Variants in CNGB3 observed in about 807,000 individuals in gnomAD.
CNGB3 encodes cyclic nucleotide-gated channel beta-3.
CNGB3 carries 86 observed loss-of-function variants against 92.8 expected under a neutral mutation model. The ratio of observed to expected loss-of-function variants is 0.93; its 90% CI spans 0.78 to 1.11. The LOEUF (loss-of-function observed/expected upper bound fraction) is 1.11, where lower values mean the gene tolerates loss of function less well. CNGB3 is among the 50% of genes least tolerant of loss of function. CNGB3 has a pLI of 0.00. For synonymous variants in CNGB3, 333 were observed against 332.7 expected (o/e 1.00, Z -0.01); for missense variants, 1,026 against 956.8 (o/e 1.07, Z -0.95).
chr8:86,587,033 C>G (rs1378614242), intron 15 of CNGB3, among the ~76,000 whole-genome samples: 3 of 148,008 alleles, frequency 2.0e-5, no homozygotes, highest in Non-Finnish European at 3.0e-5. Context: ...GCCATTCTAA[C>G]TGGTGTGAGA....
rs559239098 is a variant in CNGB3 at position 86,629,105 on chromosome 8, C to T, written c.1321-27G>A. 3.0e-5 allele frequency: 48 copies of T among 1,613,492 alleles called. No individual in the cohort carries two copies. In the East Asian group the frequency reaches 3.3e-4, roughly 11 times the overall value. On this transcript the variant is annotated intron_variant, in intron 11 of 17. Transcript: ENST00000320005. The stretch of plus-strand genomic sequence containing the variant: ...TAAAACCACAAATATGGTCACTCCA[C>T]GCCCAGCAGAGGAAATGAGTTAATA...
intron 1 of CNGB3, 74 bp from the exon 2 acceptor site, chr8:86,739,810 A>G (rs1298802050): frequency 2.0e-6 from 3 of 1,487,238 alleles, no homozygotes; most frequent in East Asian, 2.3e-5. Context: ...ACATAACACC[A>G]TTTTCCACTT....
intron 3 of CNGB3, among the ~76,000 whole-genome samples, chr8:86,698,477 A>G (rs1428100522): frequency 6.6e-6 from 1 of 152,208 alleles, no homozygotes; most frequent in East Asian, 1.9e-4. Context: ...ACAATCGCCT[A>G]TGGAATTTGA....
chr8:86,626,225 T>A, intron 12 of CNGB3, 145 bp from the exon 13 acceptor site: 1 of 679,414 alleles, frequency 1.5e-6, no homozygotes, highest in Non-Finnish European at 2.6e-6. Flanking sequence ...ATTCTATATT[T>A]TCATTACTTC....
intron 6 of CNGB3, chr8:86,658,892 G>C: frequency 1.3e-6 from 1 of 780,832 alleles, no homozygotes; most frequent in Non-Finnish European, 2.2e-6. Flanking sequence ...GCTCCTCCCA[G>C]AGCTCAGCCT....
At chr8:86,719,547 C>T (rs563034165) in intron 3 of CNGB3, among the ~76,000 whole-genome samples, 2 of 151,384 alleles carry the variant, frequency 1.3e-5, no homozygotes, top group South Asian at 4.2e-4. Context: ...AAACAAATCC[C>T]ATTGTGTAAA....
intron 10 of CNGB3, among the ~76,000 whole-genome samples, chr8:86,633,442 A>G (rs975437836): frequency 6.6e-6 from 1 of 152,116 alleles, no homozygotes; most frequent in Non-Finnish European, 1.5e-5. Context: ...ATCTTTTTTC[A>G]TTCAGCCTCT....
chr8:86,724,887 G>A (rs764556815), intron 3 of CNGB3, among the ~76,000 whole-genome samples: 1 of 152,100 alleles, frequency 6.6e-6, no homozygotes, highest in Non-Finnish European at 1.5e-5. Context: ...CTGGAGCAGA[G>A]AGGTGGGAAA....
intron 15 of CNGB3, among the ~76,000 whole-genome samples, chr8:86,600,585 A>G (rs2131555831): frequency 6.6e-6 from 1 of 151,378 alleles, no homozygotes; most frequent in South Asian, 2.1e-4. Flanking sequence ...TGATATGAAG[A>G]TGGATAAATT....
intron 3 of CNGB3, chr8:86,707,641 G>C (rs1824674626): frequency 6.6e-6 from 1 of 152,272 alleles, no homozygotes; most frequent in Non-Finnish European, 1.5e-5. Flanking sequence ...GCATGAGATG[G>C]GAAACCACTG....
At chr8:86,664,031 TC>T (rs1335998406) in intron 6 of CNGB3, among the ~76,000 whole-genome samples, 3 of 152,182 alleles carry the variant, frequency 2.0e-5, no homozygotes, top group Non-Finnish European at 4.4e-5. Flanking sequence ...AAATTAGTGT[TC>T]CTTTTGTTGT....
chr8:86,690,958 G>A (rs1824300044), intron 3 of CNGB3, among the ~76,000 whole-genome samples: 1 of 152,196 alleles, frequency 6.6e-6, no homozygotes, highest in Admixed American at 6.5e-5. Flanking sequence ...TTTGGTTACT[G>A]TAGCCTTGTA....
intron 13 of CNGB3, among the ~76,000 whole-genome samples, chr8:86,625,744 A>T (rs1822833472): frequency 1.3e-5 from 2 of 152,292 alleles, no homozygotes; most frequent in African/African-American, 2.4e-5. Flanking sequence ...ATGCAAGAAG[A>T]GTCTGAAGAA....
chr8:86,743,355 T>C (rs1825373743), intron 1 of CNGB3, 144 bp downstream of exon 1: 1 of 851,842 alleles, frequency 1.2e-6, no homozygotes, highest in Non-Finnish European at 1.9e-6. Flanking sequence ...TATAAATTAA[T>C]GAAGATAAGC....
chr8:86,720,839 TACACACACAC>T (rs4024071), intron 3 of CNGB3, among the ~76,000 whole-genome samples: 2,145 of 129,898 alleles, frequency 0.017, 36 homozygotes, highest in African/African-American at 0.043. Context: ...TATATATGTA[TACACACACAC>T]ACACACACAC....
intron 15 of CNGB3, among the ~76,000 whole-genome samples, chr8:86,585,154 A>G (rs1821867596): frequency 6.6e-6 from 1 of 152,178 alleles, no homozygotes; most frequent in African/African-American, 2.4e-5. Context: ...AATGTTATGG[A>G]GAAATGGTGT....
chr8:86,578,736 C>A lies in CNGB3; in HGVS notation c.2056G>T (p.Ala686Ser). The A allele has an allele frequency of 1.2e-6, 2 of 1,614,102 alleles. No homozygotes were observed. The highest frequency in any genetic ancestry group is 1.7e-6 in the Non-Finnish European group (2 of 1,180,004). Residue 686 changes from alanine (A) to serine (S), a missense_variant, in exon 17 of 18, where the codon GCA becomes TCA. Transcript: ENST00000320005. ...FKTLLGGTGK[A>S]SLARLLKLKR... The stretch of plus-strand genomic sequence containing the variant: ...AATTTGAGTAGTCTTGCAAGACTTG[C>A]TTTTCCTGTGCCTCCTAGGAGAGTT...
intron 7 of CNGB3, among the ~76,000 whole-genome samples, chr8:86,649,822 T>A (rs1266880544): frequency 6.6e-6 from 1 of 151,370 alleles, no homozygotes; most frequent in Non-Finnish European, 1.5e-5. Flanking sequence ...AAATGTTTCT[T>A]CATATAAAAA....
chr8:86,615,961 C>G (rs915191231), intron 13 of CNGB3, among the ~76,000 whole-genome samples: 1 of 152,066 alleles, frequency 6.6e-6, no homozygotes, highest in African/African-American at 2.4e-5. Flanking sequence ...ATGTGTTTAG[C>G]CTTCTTTCCC....
Sources: gnomAD v4.1 joint callset for allele counts (sites outside exome capture counted in the v4.1 genomes callset) on GRCh38, gnomAD v4.1.1 for gene constraint, MANE v1.5 for transcripts, NCBI Gene and HGNC (gene_info 2026-07-23, HGNC 2026-07-21) for gene names.